Variants in SDK1 observed in about 807,000 individuals in gnomAD.
SDK1 encodes sidekick cell adhesion molecule 1.
A neutral mutation model predicts 245.5 loss-of-function variants in SDK1; 157 were observed. The observed-to-expected ratio is 0.64, with a 90% CI of 0.56 to 0.73. The LOEUF is 0.73. Among genes scored for constraint, SDK1 ranks in the 30% least tolerant of loss-of-function variants. SDK1 has a pLI of 0.00. For missense variants in SDK1, 3,583 were observed against 3,002.3 expected (o/e 1.19, Z -4.52); for synonymous variants, 1,647 against 1,278.5 (o/e 1.29, Z -6.15).
intron 1 of SDK1, among the ~76,000 whole-genome samples, chr7:3,384,222 T>C (rs1781556306): frequency 3.3e-5 from 5 of 152,338 alleles, no homozygotes; most frequent in East Asian, 1.9e-4. Flanking sequence ...TTTCTTAAAA[T>C]TGATCTTCCA....
Position 3,398,509 on chromosome 7 carries a change from G to T in SDK1, c.298+96625G>T, listed in dbSNP as rs556746588. ...CTAGGTCACATAAAGTTCTGACAAA[G>T]TAGTTTCCCTTGGGAGAAGGCCTTT... On this transcript the variant is annotated intron_variant, in intron 1 of 44. Transcript: ENST00000404826. Among the ~76,000 whole-genome samples, 9 of 152,106 alleles carry T rather than the reference G, an allele frequency of 5.9e-5. 1 individual carries two copies. The highest frequency in any genetic ancestry group is 2.2e-4 in the African/African-American group (9 of 41,524).
chr7:3,385,418 G>A (rs1781586508), intron 1 of SDK1, among the ~76,000 whole-genome samples: 1 of 151,936 alleles, frequency 6.6e-6, no homozygotes, highest in South Asian at 2.1e-4. Context: ...ATTTTCATAA[G>A]TAATGAACAT....
At chr7:3,456,051 G>T (rs1325093774) in intron 1 of SDK1, among the ~76,000 whole-genome samples, 2 of 152,160 alleles carry the variant, frequency 1.3e-5, no homozygotes, top group African/African-American at 4.8e-5. Flanking sequence ...TGAAAAATGT[G>T]TTGAAAACCT....
intron 4 of SDK1, among the ~76,000 whole-genome samples, chr7:3,791,534 C>T (rs1373498451): frequency 3.9e-5 from 6 of 152,054 alleles, no homozygotes; most frequent in African/African-American, 9.7e-5. Flanking sequence ...CTGAGGGATG[C>T]GGCTGCCGAT....
chr7:3,887,870 G>C (rs1028083226), intron 5 of SDK1, among the ~76,000 whole-genome samples: 1 of 152,002 alleles, frequency 6.6e-6, no homozygotes, highest in African/African-American at 2.4e-5. Flanking sequence ...ATTTCTTTCC[G>C]CCTTAGCAAC....
chr7:4,023,426 A>T (rs1787090524), intron 17 of SDK1, among the ~76,000 whole-genome samples: 1 of 152,184 alleles, frequency 6.6e-6, no homozygotes, highest in Non-Finnish European at 1.5e-5. Flanking sequence ...TGGTGCTCTC[A>T]CAGAAGCTGT....
At chr7:3,324,373 C>A (rs751250756) in intron 1 of SDK1, among the ~76,000 whole-genome samples, 2 of 152,114 alleles carry the variant, frequency 1.3e-5, no homozygotes, top group South Asian at 2.1e-4. Flanking sequence ...ACCCTAGAAG[C>A]CTTACCTACT....
At position 4,265,498 on chromosome 7, in the gene SDK1, A is replaced by G. The variant is rs1049309654; in HGVS notation, c.*114A>G. 6.6e-6 allele frequency: 9 copies of G among 1,373,154 alleles called. No homozygotes were observed. The highest frequency in any genetic ancestry group is 1.5e-5 in the African/African-American group (1 of 65,088). 85.1% of individuals were successfully genotyped at this position (1,373,154 alleles called of 1,614,324 possible). A position where few individuals can be genotyped will look rare whatever the true frequency, so the allele number is the denominator to read the frequency against. ...GAAGTTTTTGTTTAAAAAGAAAAAA[A>G]TCTGATAAGTGATGATTTTACCTAC... On this transcript the variant is annotated 3_prime_UTR_variant, in exon 45 of 45. Coordinates refer to ENST00000404826, the MANE Select transcript of SDK1 (RefSeq NM_152744.4).
intron 19 of SDK1, among the ~76,000 whole-genome samples, chr7:4,064,570 T>C (rs914909991): frequency 3.3e-5 from 5 of 152,150 alleles, no homozygotes; most frequent in Non-Finnish European, 5.9e-5. Context: ...TGGGTATTTA[T>C]CCATAGGAAA....
chr7:3,596,823 C>T (rs904707484), intron 1 of SDK1, among the ~76,000 whole-genome samples: 3 of 152,146 alleles, frequency 2.0e-5, no homozygotes, highest in Admixed American at 6.5e-5. Context: ...GCCACATCAT[C>T]AGATAACACT....
At chr7:3,728,424 C>G (rs1380151838) in intron 4 of SDK1, among the ~76,000 whole-genome samples, 6 of 152,204 alleles carry the variant, frequency 3.9e-5, no homozygotes, top group Non-Finnish European at 7.3e-5. Flanking sequence ...GCGGGATGTG[C>G]TCACCACCTC....
intron 26 of SDK1, 126 bp from the exon 27 acceptor site, chr7:4,129,782 C>G: frequency 6.6e-7 from 1 of 1,518,686 alleles, no homozygotes; most frequent in Non-Finnish European, 8.8e-7. Context: ...GCCCTGCACA[C>G]AGCCATCCTC....
intron 22 of SDK1, among the ~76,000 whole-genome samples, chr7:4,097,476 G>T (rs1782227421): frequency 6.6e-6 from 1 of 152,228 alleles, no homozygotes. Context: ...TGAGCAGGTG[G>T]ACAGGGCATC....
chr7:4,240,953 G>T (rs1187122362), intron 42 of SDK1, among the ~76,000 whole-genome samples: 1 of 152,188 alleles, frequency 6.6e-6, no homozygotes, highest in Non-Finnish European at 1.5e-5. Context: ...GACAGACCAG[G>T]CCAAGCTTGG....
intron 1 of SDK1, among the ~76,000 whole-genome samples, chr7:3,324,910 G>T (rs189379160): frequency 1.3e-5 from 2 of 152,242 alleles, no homozygotes; most frequent in East Asian, 1.9e-4. Context: ...CTAACAGAAG[G>T]TAAACTTTCC....
At chr7:4,168,299 A>G (rs898198736) in intron 32 of SDK1, among the ~76,000 whole-genome samples, 6 of 152,254 alleles carry the variant, frequency 3.9e-5, no homozygotes, top group African/African-American at 1.4e-4. Context: ...TGCAAACAGC[A>G]TCAGTTAGCC....
chr7:3,564,611 T>C (rs1029563687), intron 1 of SDK1, among the ~76,000 whole-genome samples: 2 of 152,080 alleles, frequency 1.3e-5, no homozygotes, highest in African/African-American at 2.4e-5. Flanking sequence ...GGGGAAAAGC[T>C]AAATAAAATG....
At chr7:3,906,830 A>G (rs1055809687) in intron 5 of SDK1, among the ~76,000 whole-genome samples, 1 of 151,930 alleles carries the variant, frequency 6.6e-6, no homozygotes, top group Non-Finnish European at 1.5e-5. Flanking sequence ...GGGTTTCACC[A>G]TGTTGCCTAG....
chr7:3,758,839 A>G (rs2114986911), intron 4 of SDK1, among the ~76,000 whole-genome samples: 1 of 152,284 alleles, frequency 6.6e-6, no homozygotes, highest in South Asian at 2.1e-4. Context: ...AAACAGGTAT[A>G]TGTATTCCAA....
Sources: gnomAD v4.1 joint callset for allele counts (sites outside exome capture counted in the v4.1 genomes callset) on GRCh38, gnomAD v4.1.1 for gene constraint, MANE v1.5 for transcripts, NCBI Gene and HGNC (gene_info 2026-07-23, HGNC 2026-07-21) for gene names.